Variants in SPC25 observed in about 807,000 individuals in gnomAD.
SPC25 encodes kinetochore protein Spc25.
SPC25 carries 22 observed loss-of-function variants against 29.6 expected under a neutral mutation model. The ratio of observed to expected loss-of-function variants is 0.74; its 90% CI spans 0.53 to 1.06. The LOEUF (loss-of-function observed/expected upper bound fraction) is 1.06. SPC25 is among the 50% of genes least tolerant of loss of function. The pLI is 0.00. For missense variants in SPC25, 230 were observed against 255.8 expected, an observed-to-expected ratio of 0.90 and a Z score of 0.69; for synonymous variants, 91 against 90.4, an observed-to-expected ratio of 1.01 and a Z score of -0.04.
chr2:168,889,000 T>C lies in SPC25; in HGVS notation c.199+226A>G, dbSNP rs572677355. ...ACACACACATATATATGTATATATA[T>C]ACACATATATGTATATATATACACA... On this transcript the variant is annotated intron_variant, in intron 3 of 6. Transcript: ENST00000282074. Among the ~76,000 whole-genome samples the C allele has an allele frequency of 8.2e-3, 733 of 89,228 alleles. 24 individuals carry two copies. Among genetic ancestry groups the C allele is most frequent in the African/African-American group, 0.032 (672 of 20,872 alleles). The allele number at this position is 89,228 out of a possible 152,430, so 58.5% of individuals were successfully genotyped here.
chr2:168,884,020 C>T (rs1055202964), intron 3 of SPC25, among the ~76,000 whole-genome samples: 9 of 152,056 alleles, frequency 5.9e-5, no homozygotes, highest in African/African-American at 2.2e-4. Context: ...CCGCCTGCCT[C>T]GGCCTCCCAA....
At chr2:168,872,058 A>ACT (rs144986134) in intron 6 of SPC25, among the ~76,000 whole-genome samples, 3,056 of 152,034 alleles carry the variant, frequency 0.02, 81 homozygotes, top group African/African-American at 0.068. Flanking sequence ...CTCACTGCAA[A>ACT]CTGCCTCCTG....
chr2:168,871,598 T>G, intron 6 of SPC25, 43 bp from the exon 7 acceptor site: 1 of 1,510,986 alleles, frequency 6.6e-7, no homozygotes, highest in Non-Finnish European at 8.9e-7. Context: ...TTAGAATGAG[T>G]TTTTTTATGG....
chr2:168,874,163 G>A (rs1690045498), intron 5 of SPC25, among the ~76,000 whole-genome samples: 1 of 152,110 alleles, frequency 6.6e-6, no homozygotes, highest in Non-Finnish European at 1.5e-5. Flanking sequence ...GTAAATGCAA[G>A]CCGAAACTAC....
intron 4 of SPC25, chr2:168,863,520 TGTTTCTTGTCCAA>T: frequency 1.0e-6 from 1 of 985,372 alleles, no homozygotes; most frequent in Non-Finnish European, 1.2e-6. Flanking sequence ...ACAAGAGCCA[TGTTTCTTGTCCAA>T]TTCTCTATGG....
At chr2:168,866,926 C>T (rs1689868745), downstream of SPC25, among the ~76,000 whole-genome samples, 1 of 152,188 alleles carries the variant, frequency 6.6e-6, no homozygotes, top group African/African-American at 2.4e-5. Flanking sequence ...CAATGAGATA[C>T]CATCTCACAC....
chr2:168,880,067 C>T (rs565557317), intron 3 of SPC25, among the ~76,000 whole-genome samples: 31 of 152,162 alleles, frequency 2.0e-4, no homozygotes, highest in Admixed American at 1.6e-3. Flanking sequence ...CTTAAGGGCC[C>T]TAGGATTTGG....
chr2:168,888,970 T>C (rs201367692), intron 3 of SPC25, among the ~76,000 whole-genome samples: 3,411 of 92,056 alleles, frequency 0.037, 299 homozygotes, highest in African/African-American at 0.1. Flanking sequence ...TATATATATA[T>C]ATACACACAC....
intron 3 of SPC25, among the ~76,000 whole-genome samples, chr2:168,887,813 G>A (rs1382388415): frequency 6.6e-6 from 1 of 152,178 alleles, no homozygotes; most frequent in Non-Finnish European, 1.5e-5. Flanking sequence ...AGAGCTGAGA[G>A]AACTCTAGCT....
intron 6 of SPC25, 100 bp from the exon 7 acceptor site, chr2:168,871,655 A>C: frequency 9.1e-7 from 1 of 1,098,206 alleles, no homozygotes; most frequent in Non-Finnish European, 1.3e-6. Context: ...TTTGAATGTC[A>C]ATTCCATCTT....
At position 168,873,587 on chromosome 2, in the gene SPC25, T is replaced by C. The variant is rs1424412027; in HGVS notation, c.548A>G (p.Glu183Gly). The change falls in exon 6 of 7, where the codon GAA becomes GGA. Residue 183 changes from glutamate to glycine, a missense_variant and splice_region_variant. Glu to Gly is a moderately conservative substitution (Grantham distance 98, BLOSUM62 -2). Transcript: ENST00000282074. ...SLHLNEARDY[E>G]VSDSAPHLEG... ...AGTTAGGAGATATTAGTACATACCT[T>C]CATAGTCCCTTGCTTCATTGAGATG... 1.2e-6 allele frequency: 2 copies of C among 1,603,460 alleles called. No individual in the cohort carries two copies. Among genetic ancestry groups the C allele is most frequent in the South Asian group, 1.1e-5 (1 of 90,816 alleles).
At chr2:168,873,513 C>G in intron 6 of SPC25, 72 bp downstream of exon 6, 1 of 1,082,882 alleles carries the variant, frequency 9.2e-7, no homozygotes, top group Non-Finnish European at 1.4e-6. Context: ...CTCCATATTA[C>G]TTTATATGCT....
rs1362816178 is a variant in SPC25, at chr2:168,873,618, A to T, written c.517T>A (p.Ser173Thr). The change falls in exon 6 of 7, where the codon TCC (serine) becomes ACC (threonine). Residue 173 changes from serine to threonine, a missense_variant. Transcript: ENST00000282074. ...PKNPESPFMF[S>T]LHLNEARDYE... ...TCCCTTGCTTCATTGAGATGTAAGG[A>T]AAACATAAATGGGCTCTCAGGATTC... 1 of 1,611,648 alleles carries T rather than the reference A, an allele frequency of 6.2e-7. No homozygotes were observed. Among genetic ancestry groups the T allele is most frequent in the South Asian group, 1.1e-5 (1 of 91,014 alleles).
At chr2:168,869,261 A>T (rs571460190), downstream of SPC25, among the ~76,000 whole-genome samples, 2 of 152,182 alleles carry the variant, frequency 1.3e-5, no homozygotes, top group Non-Finnish European at 2.9e-5. Flanking sequence ...TATGGAATGG[A>T]CAAAAACTGG....
chr2:168,880,022 T>A (rs1045504451), intron 3 of SPC25, among the ~76,000 whole-genome samples: 2 of 152,224 alleles, frequency 1.3e-5, no homozygotes, highest in African/African-American at 4.8e-5. Flanking sequence ...GCTATTCCAT[T>A]TATAGAACAT....
chr2:168,889,020 T>TACACATATATATACATATATATAC (rs1690331932), intron 3 of SPC25, among the ~76,000 whole-genome samples: 12 of 61,094 alleles, frequency 2.0e-4, no homozygotes, highest in Non-Finnish European at 3.1e-4. Flanking sequence ...TGTATATATA[T>TACACATATATATACATATATATAC]ACACATATAT....
chr2:168,885,538 C>T (rs1216992400), intron 3 of SPC25, among the ~76,000 whole-genome samples: 2 of 152,182 alleles, frequency 1.3e-5, no homozygotes, highest in Non-Finnish European at 2.9e-5. Flanking sequence ...ACCCCCTTTG[C>T]ACAACATGGA....
chr2:168,881,311 T>G (rs1244443981), intron 3 of SPC25, among the ~76,000 whole-genome samples: 1 of 152,180 alleles, frequency 6.6e-6, no homozygotes, highest in Non-Finnish European at 1.5e-5. Flanking sequence ...TACCCACCCC[T>G]TTCTCACACA....
intron 4 of SPC25, among the ~76,000 whole-genome samples, chr2:168,864,227 G>A (rs569082174): frequency 3.3e-5 from 5 of 151,218 alleles, no homozygotes; most frequent in East Asian, 1.9e-4. Flanking sequence ...TCTGCCCATC[G>A]CGGCCTCCCA....
Sources: gnomAD v4.1 joint callset for allele counts (sites outside exome capture counted in the v4.1 genomes callset) on GRCh38, gnomAD v4.1.1 for gene constraint, MANE v1.5 for transcripts, NCBI Gene and HGNC (gene_info 2026-07-23, HGNC 2026-07-21) for gene names.